The following CNOT2 variants were observed in gnomAD, a reference collection of about 807,000 sequenced individuals.
CNOT2 encodes the protein CC chemokine receptor 4-negative regulator of transcription 2.
CNOT2 carries 7 observed loss-of-function variants against 72.1 expected under a neutral mutation model. That is an observed-to-expected ratio of 0.10 (90% CI 0.06 to 0.18). The LOEUF (loss-of-function observed/expected upper bound fraction) is 0.18. Among genes scored for constraint, CNOT2 ranks in the 10% least tolerant of loss-of-function variants. The probability of loss-of-function intolerance (pLI) is 1.00; values close to 1 mark genes in which losing one functional copy is unlikely to be tolerated. For missense variants in CNOT2, 345 were observed against 660.3 expected (o/e 0.52, Z 5.23); for synonymous variants, 196 against 225.6 (o/e 0.87, Z 1.17).
Position 70,348,871 on chromosome 12 carries a change from CAT to C in CNOT2, c.1536+2549_1536+2550del. 2.0e-5 allele frequency among the ~76,000 whole-genome samples: 3 copies of C among 151,510 alleles called. No homozygotes were observed. The South Asian group carries it at 6.2e-4, about 32-fold the overall frequency. ...TATTTTTTATATATTATATATAAAA[CAT>C]AATTTAGCTCAGTTTTATCTATCGT... is the stretch of plus-strand genomic sequence containing the variant. On this transcript the variant is annotated intron_variant, in intron 15 of 15. Transcript: ENST00000229195.
chr12:70,257,430 G>C (rs908488385), intron 1 of CNOT2, among the ~76,000 whole-genome samples: 1 of 143,048 alleles, frequency 7.0e-6, no homozygotes, highest in East Asian at 2.1e-4. Flanking sequence ...GCACCATCTC[G>C]GCTCACTGCA....
intron 1 of CNOT2, among the ~76,000 whole-genome samples, chr12:70,265,227 G>C (rs1256337196): frequency 1.3e-5 from 2 of 151,478 alleles, no homozygotes; most frequent in African/African-American, 4.8e-5. Flanking sequence ...TAAGTGTTTT[G>C]GTAGAGTTCA....
chr12:70,338,421 C>A, intron 9 of CNOT2, 22 bp from the exon 10 acceptor site: 1 of 1,584,820 alleles, frequency 6.3e-7, no homozygotes, highest in Non-Finnish European at 8.6e-7. Context: ...TTTAATGTCA[C>A]ATTTAATTTT....
At chr12:70,312,359 C>A (rs1456756573) in intron 3 of CNOT2, among the ~76,000 whole-genome samples, 5 of 151,760 alleles carry the variant, frequency 3.3e-5, no homozygotes, top group Non-Finnish European at 7.4e-5. Context: ...GTTAAGTTTG[C>A]TTGGAAAATG....
At chr12:70,284,864 C>T (rs1870591919) in intron 2 of CNOT2, among the ~76,000 whole-genome samples, 1 of 151,970 alleles carries the variant, frequency 6.6e-6, no homozygotes, top group Admixed American at 6.6e-5. Flanking sequence ...TTCATAGTGC[C>T]CTTGGGCCAA....
intron 2 of CNOT2, among the ~76,000 whole-genome samples, chr12:70,284,245 T>C (rs1870456834): frequency 7.0e-6 from 1 of 142,760 alleles, no homozygotes; most frequent in African/African-American, 2.6e-5. Context: ...TATGCCCAGC[T>C]TTTTTTTTTT....
intron 2 of CNOT2, among the ~76,000 whole-genome samples, chr12:70,294,963 A>G (rs1872586774): frequency 6.6e-6 from 1 of 152,096 alleles, no homozygotes; most frequent in South Asian, 2.1e-4. Flanking sequence ...TGTGAGAGAG[A>G]GAGAGAGATG....
intron 2 of CNOT2, among the ~76,000 whole-genome samples, chr12:70,306,902 A>AG: frequency 6.6e-6 from 1 of 152,268 alleles, no homozygotes; most frequent in Non-Finnish European, 1.5e-5. Context: ...CCTAGGCTAT[A>AG]AACATGTACA....
At chr12:70,259,837 G>A (rs1958662971) in intron 1 of CNOT2, among the ~76,000 whole-genome samples, 1 of 152,132 alleles carries the variant, frequency 6.6e-6, no homozygotes, top group Non-Finnish European at 1.5e-5. Context: ...TTTGTATGTT[G>A]CTAGACTTAA....
At chr12:70,260,687 C>G (rs1958700413) in intron 1 of CNOT2, among the ~76,000 whole-genome samples, 2 of 151,988 alleles carry the variant, frequency 1.3e-5, no homozygotes, top group Non-Finnish European at 2.9e-5. Context: ...TATTTTCTCT[C>G]TTCAGGTGTC....
chr12:70,296,731 T>C (rs1872858717), intron 2 of CNOT2, among the ~76,000 whole-genome samples: 1 of 151,120 alleles, frequency 6.6e-6, no homozygotes, highest in Non-Finnish European at 1.5e-5. Flanking sequence ...TTGTGCAGTG[T>C]AGGTGCCTTT....
chr12:70,282,960 A>G (rs1039402442), intron 2 of CNOT2, among the ~76,000 whole-genome samples: 12 of 152,234 alleles, frequency 7.9e-5, no homozygotes, highest in African/African-American at 2.9e-4. Flanking sequence ...GGATTTCTGC[A>G]TAATACAGAG....
At chr12:70,265,307 T>TCTCTTCTCTTCTCTA (rs1958980836) in intron 1 of CNOT2, among the ~76,000 whole-genome samples, 1 of 146,442 alleles carries the variant, frequency 6.8e-6, no homozygotes, top group Non-Finnish European at 1.5e-5. Flanking sequence ...TCTCTTCTCT[T>TCTCTTCTCTTCTCTA]CTCTTCTCTT....
At chr12:70,328,043 T>A (rs1470888570) in intron 4 of CNOT2, among the ~76,000 whole-genome samples, 3 of 151,880 alleles carry the variant, frequency 2.0e-5, no homozygotes, top group Non-Finnish European at 4.4e-5. Flanking sequence ...CATAAAAGTG[T>A]ACATGTAATC....
At chr12:70,336,093 A>G (rs576345169) in intron 8 of CNOT2, 1 of 152,474 alleles carries the variant, frequency 6.6e-6, no homozygotes, top group Non-Finnish European at 1.5e-5. Context: ...CTTGGCCTAC[A>G]AGATGCTAGT....
chr12:70,274,370 C>A (rs7974191), intron 1 of CNOT2, among the ~76,000 whole-genome samples: 1 of 152,016 alleles, frequency 6.6e-6, no homozygotes, highest in East Asian at 1.9e-4. Flanking sequence ...CCAGTGAAAT[C>A]GGTCACATCT....
chr12:70,328,362 T>C (rs1879405150), intron 4 of CNOT2, among the ~76,000 whole-genome samples: 2 of 152,024 alleles, frequency 1.3e-5, no homozygotes, highest in East Asian at 3.9e-4. Context: ...TACTGATTAG[T>C]TCTCACTCTA....
At chr12:70,330,260 A>G (rs1401056136) in intron 5 of CNOT2, 27 bp from the exon 6 acceptor site, 2 of 1,192,182 alleles carry the variant, frequency 1.7e-6, no homozygotes, top group South Asian at 1.3e-5. Flanking sequence ...TAGAGAGCTT[A>G]TTTAGTATAA....
intron 1 of CNOT2, among the ~76,000 whole-genome samples, chr12:70,255,718 A>G (rs1448147521): frequency 2.6e-5 from 4 of 152,174 alleles, no homozygotes; most frequent in Non-Finnish European, 4.4e-5. Flanking sequence ...TCTTCTAAAA[A>G]CATATACTGA....
Sources: gnomAD v4.1 joint callset for allele counts (sites outside exome capture counted in the v4.1 genomes callset) on GRCh38, gnomAD v4.1.1 for gene constraint, MANE v1.5 for transcripts, NCBI Gene and HGNC (gene_info 2026-07-23, HGNC 2026-07-21) for gene names.